The following ATXN1 variants were observed in gnomAD, a reference collection of about 807,000 sequenced individuals.
ATXN1 encodes the protein ataxin 1.
In ATXN1, 8 loss-of-function variants were observed where a neutral mutation model predicts 56.4. That is an observed-to-expected ratio of 0.14 (90% CI 0.08 to 0.26). ATXN1 has a LOEUF of 0.26. ATXN1 is among the 10% of genes least tolerant of loss of function. The pLI is 1.00. For synonymous variants in ATXN1, 514 were observed against 494.6 expected, an observed-to-expected ratio of 1.04 and a Z score of -0.52; for missense variants, 987 against 1,106.5, an observed-to-expected ratio of 0.89 and a Z score of 1.53.
chr6:16,582,011 T>C lies in ATXN1; in HGVS notation c.-361+3769A>G, dbSNP rs539298036. ...AGATGAGTAGCCCGATGATCTTTAC[T>C]GGCCCTAGCAACTGTGCATTCGAGG... On this transcript the variant is annotated intron_variant, in intron 4 of 7. Coordinates refer to ENST00000436367, the MANE Select transcript of ATXN1 (RefSeq NM_001128164.2). 2.6e-5 allele frequency among the ~76,000 whole-genome samples: 4 copies of C among 152,364 alleles called. No homozygotes were observed. In the South Asian group the frequency reaches 8.3e-4, roughly 32 times the overall value.
intron 7 of ATXN1, among the ~76,000 whole-genome samples, chr6:16,317,899 A>C (rs1460735176): frequency 6.6e-6 from 1 of 152,226 alleles, no homozygotes; most frequent in Non-Finnish European, 1.5e-5. Context: ...CAGGGAGACA[A>C]CACCGACTCA....
At chr6:16,587,703 C>A (rs554463011) in intron 3 of ATXN1, among the ~76,000 whole-genome samples, 2 of 151,792 alleles carry the variant, frequency 1.3e-5, no homozygotes, top group African/African-American at 4.8e-5. Flanking sequence ...GGGGCCAAGG[C>A]GGGAGGATCA....
At chr6:16,662,101 C>A in intron 2 of ATXN1, among the ~76,000 whole-genome samples, 1 of 152,094 alleles carries the variant, frequency 6.6e-6, no homozygotes, top group Non-Finnish European at 1.5e-5. Context: ...AAACTGAGCC[C>A]CAAAGAAGTT....
intron 4 of ATXN1, among the ~76,000 whole-genome samples, chr6:16,535,195 G>C (rs1761574303): frequency 6.6e-6 from 1 of 152,216 alleles, no homozygotes. Flanking sequence ...ACAAAAGGAA[G>C]AGGGGGAGCT....
chr6:16,451,918 T>C (rs1025696226), intron 6 of ATXN1, among the ~76,000 whole-genome samples: 1 of 152,186 alleles, frequency 6.6e-6, no homozygotes, highest in African/African-American at 2.4e-5. Flanking sequence ...TCTTGCTGTC[T>C]TTGTCTTTCT....
At chr6:16,606,715 A>C (rs576248701) in intron 3 of ATXN1, among the ~76,000 whole-genome samples, 1 of 150,740 alleles carries the variant, frequency 6.6e-6, no homozygotes, top group South Asian at 2.1e-4. Flanking sequence ...TTTTTAGTAG[A>C]GATGGGGTTT....
chr6:16,327,666 C>A lies in ATXN1; in HGVS notation c.645G>T (p.Gln215His), dbSNP rs184327938. 8.6e-3 allele frequency: 13,058 copies of A among 1,525,590 alleles called. 31 individuals are homozygous for A. Among genetic ancestry groups the A allele is most frequent in the East Asian group, 0.062 (2,269 of 36,578 alleles). The allele number at this position is 1,525,590 out of a possible 1,614,324, so 94.5% of individuals were successfully genotyped here. Residue 215 changes from glutamine to histidine, a missense_variant, in exon 7 of 8, where the codon CAG (glutamine) becomes CAT (histidine). Coordinates refer to ENST00000436367, the MANE Select transcript of ATXN1 (RefSeq NM_001128164.2). ...GCTGCTGCTGCTGCTGCTGCTGCTG[C>A]TGCTGCTGCTGATGCTGATGCTGCT... Reference protein sequence around the residue: ...QQQQHQHQQQQQQQQQQQQQQ... With the variant: ...QQQQHQHQQQHQQQQQQQQQQ...
intron 3 of ATXN1, among the ~76,000 whole-genome samples, chr6:16,594,670 A>T (rs1419948743): frequency 6.6e-6 from 1 of 151,924 alleles, no homozygotes; most frequent in Non-Finnish European, 1.5e-5. Flanking sequence ...TTTAGAAGAG[A>T]CGAGGTTTCA....
In ATXN1 at chr6:16,327,369, C is replaced by T; in HGVS notation, c.942G>A (p.Leu314=). 2 of 1,613,628 alleles carry T rather than the reference C, an allele frequency of 1.2e-6. No homozygotes were observed. The highest frequency in any genetic ancestry group is 1.1e-5 in the South Asian group (1 of 91,088). The change falls in exon 7 of 8, where the codon CTG becomes CTA. Residue 314 remains leucine (L), a synonymous_variant. Transcript: ENST00000436367. ...CCTCCTTGGCCTGGATGGCCTGCTG[C>T]AGCCGGCTGCTCTCAGCTTTCTTGG... The part of the protein sequence containing the change: ...EATKKAESSR[L]QQAIQAKEVL...
At chr6:16,573,656 T>C (rs1762371261) in intron 4 of ATXN1, among the ~76,000 whole-genome samples, 1 of 152,220 alleles carries the variant, frequency 6.6e-6, no homozygotes, top group Non-Finnish European at 1.5e-5. Context: ...CCTTTAGCTC[T>C]GTTATCCCCA....
At chr6:16,686,184 T>C (rs1758913544) in intron 2 of ATXN1, among the ~76,000 whole-genome samples, 5 of 152,242 alleles carry the variant, frequency 3.3e-5, no homozygotes, top group Admixed American at 3.3e-4. Flanking sequence ...TGGTAATACC[T>C]TGTTACACAG....
intron 3 of ATXN1, among the ~76,000 whole-genome samples, chr6:16,593,910 A>G (rs893964400): frequency 1.3e-5 from 2 of 148,266 alleles, no homozygotes; most frequent in African/African-American, 4.9e-5. Context: ...ATATATATAT[A>G]TATTAGTCTG....
chr6:16,393,989 T>C (rs1758406577), intron 6 of ATXN1, among the ~76,000 whole-genome samples: 1 of 152,082 alleles, frequency 6.6e-6, no homozygotes, highest in Admixed American at 6.6e-5. Flanking sequence ...TATGTTTCTG[T>C]GGTCTAAGAC....
At chr6:16,562,459 A>G (rs897373032) in intron 4 of ATXN1, among the ~76,000 whole-genome samples, 2 of 38,774 alleles carry the variant, frequency 5.2e-5, no homozygotes, top group Non-Finnish European at 3.4e-4. Context: ...AGAAAAGGAG[A>G]GGAGAGGAGA....
intron 2 of ATXN1, chr6:16,738,713 A>G (rs1178250495): frequency 2.0e-5 from 3 of 152,336 alleles, no homozygotes; most frequent in South Asian, 4.1e-4. Context: ...TCATTTAGAA[A>G]TGTTTCTATT....
chr6:16,423,206 T>G (rs951661194), intron 6 of ATXN1, among the ~76,000 whole-genome samples: 1 of 152,222 alleles, frequency 6.6e-6, no homozygotes, highest in Non-Finnish European at 1.5e-5. Context: ...TCTTTGTCAT[T>G]TTGCATCAGG....
chr6:16,368,343 CT>C (rs10527935), intron 6 of ATXN1, among the ~76,000 whole-genome samples: 32,307 of 73,732 alleles, frequency 0.44, 4,789 homozygotes, highest in Admixed American at 0.56. Flanking sequence ...ACTTCTTCTT[CT>C]TTTTTTTTTT....
intron 6 of ATXN1, among the ~76,000 whole-genome samples, chr6:16,379,467 T>C (rs1209351737): frequency 1.3e-5 from 2 of 152,218 alleles, no homozygotes; most frequent in African/African-American, 4.8e-5. Context: ...AAGTACACGT[T>C]TTACCCTTGT....
intron 2 of ATXN1, among the ~76,000 whole-genome samples, chr6:16,696,086 G>A (rs946250895): frequency 2.6e-5 from 4 of 152,114 alleles, no homozygotes; most frequent in African/African-American, 9.7e-5. Flanking sequence ...TTTAACCCTG[G>A]ACAGCTCTCC....
Sources: gnomAD v4.1 joint callset for allele counts (sites outside exome capture counted in the v4.1 genomes callset) on GRCh38, gnomAD v4.1.1 for gene constraint, MANE v1.5 for transcripts, NCBI Gene and HGNC (gene_info 2026-07-23, HGNC 2026-07-21) for gene names.